Variants in LRRFIP2 observed in about 807,000 individuals in gnomAD.
LRRFIP2 encodes LRR binding FLII interacting protein 2.
Under a neutral mutation model 125.9 loss-of-function variants are expected in LRRFIP2, and 109 were observed. That is an observed-to-expected ratio of 0.87 (90% CI 0.74 to 1.01). LRRFIP2 has a LOEUF of 1.01. Ranked by LOEUF, LRRFIP2 falls within the 50% of genes least tolerant of loss-of-function variation. LRRFIP2 has a pLI of 0.00. For synonymous variants in LRRFIP2, 291 were observed against 293.1 expected (o/e 0.99, Z 0.07); for missense variants, 850 against 862.3 (o/e 0.99, Z 0.18).
At chr3:37,082,756 G>A (rs773690331) in intron 19 of LRRFIP2, among the ~76,000 whole-genome samples, 2 of 152,082 alleles carry the variant, frequency 1.3e-5, no homozygotes, top group Non-Finnish European at 2.9e-5. Context: ...GACCAAAACA[G>A]GCTGGAATGG....
chr3:37,056,095 A>G (rs1035905117), intron 25 of LRRFIP2, among the ~76,000 whole-genome samples: 7 of 152,184 alleles, frequency 4.6e-5, no homozygotes, highest in South Asian at 2.1e-4. Context: ...CTACCTATGT[A>G]CCTAGCCAAG....
At chr3:37,076,087 T>G in intron 19 of LRRFIP2, among the ~76,000 whole-genome samples, 1 of 149,288 alleles carries the variant, frequency 6.7e-6, no homozygotes. Flanking sequence ...AGCCAGGGAG[T>G]GAATGGGGGA....
chr3:37,108,766 T>A, intron 11 of LRRFIP2, 82 bp from the exon 12 acceptor site: 1 of 1,208,922 alleles, frequency 8.3e-7, no homozygotes, highest in Non-Finnish European at 1.2e-6. Context: ...CAATACTCAG[T>A]ACCAAAAAAG....
chr3:37,105,633 C>T, intron 13 of LRRFIP2, 110 bp from the exon 14 acceptor site: 3 of 739,408 alleles, frequency 4.1e-6, no homozygotes, highest in African/African-American at 1.7e-5. Flanking sequence ...ACTATATAAG[C>T]AGCATAATTG....
intron 20 of LRRFIP2, 86 bp from the exon 21 acceptor site, chr3:37,072,968 G>C (rs908794141): frequency 2.0e-5 from 17 of 848,488 alleles, no homozygotes; most frequent in Non-Finnish European, 2.9e-5. Context: ...AAATAAAGCC[G>C]ATAAAGAAAC....
In LRRFIP2 at chr3:37,121,710, C is replaced by T. The variant is rs556747714; in HGVS notation, c.229-19G>A. On this transcript the variant is annotated intron_variant, in intron 4 of 27. Coordinates refer to ENST00000336686, the MANE Select transcript of LRRFIP2 (RefSeq NM_006309.4). ...AATCTTCCTGGGAAAGGAGAAAGTA[C>T]ATGGAGAGTTAATCACTGAATAGAC... 6.7e-4 allele frequency: 1,086 copies of T among 1,612,350 alleles called. 14 individuals are homozygous for T. The South Asian group carries it at 0.011, about 17-fold the overall frequency.
At chr3:37,153,795 C>T (rs2096098746) in intron 1 of LRRFIP2, among the ~76,000 whole-genome samples, 1 of 151,624 alleles carries the variant, frequency 6.6e-6, no homozygotes, top group Admixed American at 6.6e-5. Flanking sequence ...CCTTATTCTT[C>T]TTGTCATATC....
intron 15 of LRRFIP2, among the ~76,000 whole-genome samples, chr3:37,101,642 A>G (rs1362114537): frequency 6.7e-6 from 1 of 148,752 alleles, no homozygotes; most frequent in Admixed American, 6.8e-5. Context: ...TCCGACCTGG[A>G]CGATAGGTCT....
At chr3:37,084,183 C>T (rs889707806) in intron 18 of LRRFIP2, among the ~76,000 whole-genome samples, 4 of 152,148 alleles carry the variant, frequency 2.6e-5, no homozygotes, top group African/African-American at 9.7e-5. Flanking sequence ...CGCAGTGATA[C>T]CACAGAATAC....
chr3:37,077,069 G>A (rs2092151718), intron 19 of LRRFIP2, among the ~76,000 whole-genome samples: 1 of 152,112 alleles, frequency 6.6e-6, no homozygotes, highest in African/African-American at 2.4e-5. Context: ...GAACTATGGG[G>A]AAAGAAATAG....
chr3:37,120,376 A>T (rs1237263670), intron 6 of LRRFIP2, among the ~76,000 whole-genome samples: 1 of 152,184 alleles, frequency 6.6e-6, no homozygotes, highest in Non-Finnish European at 1.5e-5. Flanking sequence ...ACGTGCTGGG[A>T]TTACAGGTGT....
rs1670327149 is a variant in LRRFIP2 at position 37,053,835 on chromosome 3, T to G, written c.*16A>C. On this transcript the variant is annotated 3_prime_UTR_variant, in exon 28 of 28. Coordinates refer to ENST00000336686, the MANE Select transcript of LRRFIP2 (RefSeq NM_006309.4). ...AGGGCCCCAAGGAGCATCACCCAGG[T>G]TGAAGGGTGGTTTTCCTACTGCTGG... The G allele has an allele frequency of 2.5e-6, 4 of 1,569,108 alleles. No homozygotes were observed. The highest frequency in any genetic ancestry group is 3.5e-6 in the Non-Finnish European group (4 of 1,138,942).
intron 18 of LRRFIP2, among the ~76,000 whole-genome samples, chr3:37,084,461 A>G (rs762493663): frequency 5.9e-5 from 9 of 152,130 alleles, no homozygotes; most frequent in Non-Finnish European, 1.0e-4. Context: ...CAGGAGCTCA[A>G]GACAAGCCTG....
chr3:37,136,638 A>T (rs1001558081), intron 2 of LRRFIP2, among the ~76,000 whole-genome samples: 2 of 152,136 alleles, frequency 1.3e-5, no homozygotes, highest in Admixed American at 6.5e-5. Flanking sequence ...AGTCCTTAAT[A>T]ATATGCATTA....
chr3:37,137,541 ATAC>A (rs1312863620), intron 2 of LRRFIP2, among the ~76,000 whole-genome samples: 2 of 152,200 alleles, frequency 1.3e-5, no homozygotes, highest in Non-Finnish European at 2.9e-5. Context: ...CTATGAAATA[ATAC>A]TATTCTAGTT....
At chr3:37,135,172 A>G in intron 2 of LRRFIP2, 1 of 1,059,924 alleles carries the variant, frequency 9.4e-7, no homozygotes, top group South Asian at 1.4e-5. Context: ...GTTTAAAAAA[A>G]AAAAAAGGCT....
chr3:37,065,468 A>G (rs1462082073), intron 23 of LRRFIP2: 20 of 450,604 alleles, frequency 4.4e-5, no homozygotes, highest in Non-Finnish European at 8.4e-5. Flanking sequence ...AACACACTTG[A>G]GAAGTCTCCT....
intron 15 of LRRFIP2, among the ~76,000 whole-genome samples, chr3:37,096,988 C>T (rs1479297473): frequency 1.3e-5 from 2 of 151,862 alleles, no homozygotes; most frequent in Non-Finnish European, 2.9e-5. Flanking sequence ...ACAAAAAAAG[C>T]TTGTACATAT....
At chr3:37,148,465 ACTC>A (rs2095917510) in intron 2 of LRRFIP2, among the ~76,000 whole-genome samples, 1 of 152,182 alleles carries the variant, frequency 6.6e-6, no homozygotes, top group Non-Finnish European at 1.5e-5. Flanking sequence ...AACTGCTATA[ACTC>A]TAAGACTAGT....
Sources: allele counts gnomAD v4.1 joint callset (sites outside exome capture counted in the v4.1 genomes callset), GRCh38; gene constraint gnomAD v4.1.1; transcripts MANE v1.5; gene names NCBI Gene and HGNC (gene_info 2026-07-23, HGNC 2026-07-21).